The following GRIK2 variants were observed in gnomAD, a reference collection of about 807,000 sequenced individuals.
The protein encoded by GRIK2 is glutamate receptor ionotropic, kainate 2.
GRIK2 carries 32 observed loss-of-function variants against 100.3 expected under a neutral mutation model. The ratio of observed to expected loss-of-function variants is 0.32; its 90% CI spans 0.24 to 0.43. The LOEUF (loss-of-function observed/expected upper bound fraction) is 0.43, where lower values mean the gene tolerates loss of function less well. GRIK2 is among the 20% of genes least tolerant of loss of function. GRIK2 has a pLI of 1.00. For missense variants in GRIK2, 843 were observed against 1,114.9 expected (o/e 0.76, Z 3.47); for synonymous variants, 417 against 389.4 (o/e 1.07, Z -0.83).
chr6:101,845,168 C>T (rs1459293888), intron 10 of GRIK2, among the ~76,000 whole-genome samples: 2 of 152,086 alleles, frequency 1.3e-5, no homozygotes, highest in African/African-American at 2.4e-5. Context: ...TGCAAGCACA[C>T]ACCACCAGGC....
intron 12 of GRIK2, among the ~76,000 whole-genome samples, chr6:101,900,413 G>C (rs1487577148): frequency 6.6e-6 from 1 of 152,050 alleles, no homozygotes; most frequent in Non-Finnish European, 1.5e-5. Flanking sequence ...GCGGTGAGCC[G>C]AGATCGTGAG....
Position 102,055,463 on chromosome 6 carries a change from G to T in GRIK2, c.2445G>T (p.Leu815=). The T allele has an allele frequency of 1.2e-6, 2 of 1,613,626 alleles. No homozygotes were observed. Among genetic ancestry groups the T allele is most frequent in the Non-Finnish European group, 1.7e-6 (2 of 1,179,680 alleles). ...PEEESKEASA[L]GVQNIGGIFI... ...AGGAGAGCAAAGAGGCCAGTGCCCT[G>T]GGGGTTCAGAATATTGGTGGCATCT... Residue 815 remains leucine (L), a synonymous_variant, in exon 16 of 17, where the codon CTG becomes CTT. Coordinates refer to ENST00000369134, the MANE Select transcript of GRIK2 (RefSeq NM_021956.5).
chr6:101,949,538 G>A, intron 14 of GRIK2, among the ~76,000 whole-genome samples: 1 of 152,032 alleles, frequency 6.6e-6, no homozygotes, highest in East Asian at 1.9e-4. Flanking sequence ...GCCCCAGTGT[G>A]TGATGTTCCC....
intron 2 of GRIK2, among the ~76,000 whole-genome samples, chr6:101,476,132 C>A (rs916540393): frequency 6.6e-6 from 1 of 152,014 alleles, no homozygotes; most frequent in African/African-American, 2.4e-5. Flanking sequence ...AAATGCACAA[C>A]TAATCTCAGG....
chr6:102,017,384 C>T (rs534330278), intron 14 of GRIK2, among the ~76,000 whole-genome samples: 1 of 152,252 alleles, frequency 6.6e-6, no homozygotes, highest in African/African-American at 2.4e-5. Flanking sequence ...CATCACCTCC[C>T]CACCAGGTTC....
At chr6:101,949,662 TG>T (rs941482913) in intron 14 of GRIK2, among the ~76,000 whole-genome samples, 2 of 152,330 alleles carry the variant, frequency 1.3e-5, no homozygotes, top group African/African-American at 4.8e-5. Context: ...TCTTCATCCA[TG>T]TCCCTGCAAA....
intron 14 of GRIK2, among the ~76,000 whole-genome samples, chr6:101,983,297 A>G (rs988189307): frequency 6.6e-6 from 1 of 151,832 alleles, no homozygotes; most frequent in African/African-American, 2.4e-5. Context: ...TTAGTTAGAG[A>G]AAATGATGGT....
chr6:101,844,827 A>G (rs554180989), intron 10 of GRIK2, among the ~76,000 whole-genome samples: 159 of 152,248 alleles, frequency 1.0e-3, no homozygotes, highest in African/African-American at 3.0e-3. Context: ...TCTTTTATTT[A>G]GGTAAAACTT....
chr6:101,935,672 G>A (rs1249110147), intron 14 of GRIK2, among the ~76,000 whole-genome samples: 1 of 151,838 alleles, frequency 6.6e-6, no homozygotes, highest in Non-Finnish European at 1.5e-5. Flanking sequence ...TGAGATTTGT[G>A]TTCATGTAGT....
chr6:102,013,046 T>C (rs1795631700), intron 14 of GRIK2, among the ~76,000 whole-genome samples: 1 of 152,210 alleles, frequency 6.6e-6, no homozygotes, highest in South Asian at 2.1e-4. Flanking sequence ...TTTAATGATA[T>C]TGATTTTTCC....
Position 101,485,138 on chromosome 6 carries a change from A to G in GRIK2, c.115+85746A>G, listed in dbSNP as rs145022984. Among the ~76,000 whole-genome samples the G allele has an allele frequency of 2.2e-4, 33 of 152,336 alleles. No individual in the cohort carries two copies. The East Asian group carries it at 5.4e-3, about 25-fold the overall frequency. On this transcript the variant is annotated intron_variant, in intron 2 of 16. Transcript: ENST00000369134. The stretch of plus-strand genomic sequence containing the variant: ...TCTAAGTATTAGTATACTAAATCCT[A>G]TATCTTACTCCAAATGATGTAAACT...
intron 2 of GRIK2, among the ~76,000 whole-genome samples, chr6:101,495,695 G>T (rs969057147): frequency 6.6e-6 from 1 of 151,968 alleles, no homozygotes; most frequent in African/African-American, 2.4e-5. Context: ...TGTTTTTAAG[G>T]CTTCTGATTC....
intron 14 of GRIK2, among the ~76,000 whole-genome samples, chr6:101,936,148 G>A (rs1041639087): frequency 5.3e-5 from 8 of 151,898 alleles, no homozygotes; most frequent in African/African-American, 1.7e-4. Flanking sequence ...TGGGCAGTAA[G>A]GTTAGGTTAA....
chr6:101,594,719 G>A (rs947525026), intron 2 of GRIK2, among the ~76,000 whole-genome samples: 9 of 151,748 alleles, frequency 5.9e-5, no homozygotes, highest in Non-Finnish European at 8.8e-5. Context: ...GGCAAAGCCA[G>A]GTTGAAGGCA....
At chr6:101,909,743 T>C (rs1453902035) in intron 12 of GRIK2, among the ~76,000 whole-genome samples, 1 of 151,088 alleles carries the variant, frequency 6.6e-6, no homozygotes, top group Non-Finnish European at 1.5e-5. Context: ...TGTGTACATA[T>C]ACACACATAC....
chr6:101,848,259 G>A (rs546919441), intron 10 of GRIK2, among the ~76,000 whole-genome samples: 110 of 152,142 alleles, frequency 7.2e-4, no homozygotes, highest in African/African-American at 2.1e-3. Context: ...TTTCCTTGTC[G>A]TTGTAAGTTT....
intron 7 of GRIK2, among the ~76,000 whole-genome samples, chr6:101,793,992 A>G (rs569550104): frequency 6.6e-6 from 1 of 152,070 alleles, no homozygotes; most frequent in Non-Finnish European, 1.5e-5. Context: ...GCGAGACTCC[A>G]TGGGCGTAGG....
At chr6:101,619,376 T>A (rs1435132371) in intron 2 of GRIK2, among the ~76,000 whole-genome samples, 1 of 151,922 alleles carries the variant, frequency 6.6e-6, no homozygotes, top group Non-Finnish European at 1.5e-5. Flanking sequence ...TAAAAAGATT[T>A]CTTTAAACAT....
intron 2 of GRIK2, among the ~76,000 whole-genome samples, chr6:101,436,400 T>A (rs1769715128): frequency 6.6e-6 from 1 of 152,074 alleles, no homozygotes; most frequent in African/African-American, 2.4e-5. Context: ...TTAGTGACAT[T>A]GTTAAAAAAA....
Sources: allele counts gnomAD v4.1 joint callset (sites outside exome capture counted in the v4.1 genomes callset), GRCh38; gene constraint gnomAD v4.1.1; transcripts MANE v1.5; gene names NCBI Gene and HGNC (gene_info 2026-07-23, HGNC 2026-07-21).